RBFOX1: variants seen among roughly 807,000 people sequenced by gnomAD.
RBFOX1 encodes RNA binding protein fox-1 homolog 1.
A neutral mutation model predicts 57.7 loss-of-function variants in RBFOX1; 8 were observed. That is an observed-to-expected ratio of 0.14 (90% CI 0.08 to 0.25). The LOEUF (loss-of-function observed/expected upper bound fraction) is 0.25. Ranked by LOEUF, RBFOX1 falls within the 10% of genes least tolerant of loss-of-function variation. The pLI, the probability that RBFOX1 is intolerant of heterozygous loss-of-function variation, is 1.00. For missense variants in RBFOX1, 611 were observed against 548.5 expected, an observed-to-expected ratio of 1.11 and a Z score of -1.14; for synonymous variants, 326 against 222.4, an observed-to-expected ratio of 1.47 and a Z score of -4.15.
At chr16:7,616,969 C>A (rs9935836) in intron 10 of RBFOX1, among the ~76,000 whole-genome samples, 118,615 of 151,492 alleles carry the variant, frequency 0.78, 46,974 homozygotes, top group East Asian at 0.98. Flanking sequence ...TGCTAGAATC[C>A]ACCCTTCCCT....
At chr16:6,394,479 A>G (rs2092735757) in intron 2 of RBFOX1, among the ~76,000 whole-genome samples, 1 of 149,254 alleles carries the variant, frequency 6.7e-6, no homozygotes, top group African/African-American at 2.5e-5. Context: ...CCTTAAATTT[A>G]CCCCCCAGAA....
At chr16:5,371,461 A>G (rs2065854814) in intron 1 of RBFOX1, among the ~76,000 whole-genome samples, 1 of 152,066 alleles carries the variant, frequency 6.6e-6, no homozygotes, top group Non-Finnish European at 1.5e-5. Context: ...CAACGCTTTG[A>G]TCTTGGACTT....
chr16:7,230,274 A>T, intron 4 of RBFOX1, among the ~76,000 whole-genome samples: 1 of 152,116 alleles, frequency 6.6e-6, no homozygotes, highest in East Asian at 1.9e-4. Flanking sequence ...AACAAACAGA[A>T]AGTACCTGCC....
chr16:6,824,829 C>T (rs7189578), intron 3 of RBFOX1, among the ~76,000 whole-genome samples: 1 of 151,596 alleles, frequency 6.6e-6, no homozygotes, highest in Non-Finnish European at 1.5e-5. Context: ...AAAGATAATA[C>T]ATGTGGATTG....
At chr16:6,767,912 C>T (rs1185763088) in intron 3 of RBFOX1, among the ~76,000 whole-genome samples, 2 of 94,824 alleles carry the variant, frequency 2.1e-5, no homozygotes, top group African/African-American at 8.8e-5. Flanking sequence ...AGGACTCTAT[C>T]TCAATAATAA....
intron 2 of RBFOX1, among the ~76,000 whole-genome samples, chr16:6,317,540 C>T (rs780582707): frequency 1.8e-5 from 2 of 110,464 alleles, no homozygotes; most frequent in African/African-American, 2.8e-5. Flanking sequence ...CTGAAAATTA[C>T]TGCAAAAAAA....
intron 13 of RBFOX1, among the ~76,000 whole-genome samples, chr16:7,670,880 G>A (rs1217820807): frequency 5.9e-5 from 9 of 152,092 alleles, no homozygotes; most frequent in African/African-American, 4.8e-5. Context: ...ATCCTAGTCC[G>A]CACAAGGATT....
intron 4 of RBFOX1, among the ~76,000 whole-genome samples, chr16:7,501,058 C>G (rs1244887401): frequency 6.6e-6 from 1 of 152,322 alleles, no homozygotes; most frequent in Middle Eastern, 3.4e-3. Context: ...GCCTCTCCAG[C>G]CAGGCTGAAC....
intron 4 of RBFOX1, among the ~76,000 whole-genome samples, chr16:7,149,854 C>T (rs2075780458): frequency 6.6e-6 from 1 of 152,196 alleles, no homozygotes; most frequent in African/African-American, 2.4e-5. Context: ...CGGAGCACCT[C>T]TTCCTTAATG....
At chr16:7,550,293 G>C (rs577164948) in intron 5 of RBFOX1, among the ~76,000 whole-genome samples, 1 of 151,730 alleles carries the variant, frequency 6.6e-6, no homozygotes, top group Non-Finnish European at 1.5e-5. Context: ...CTTGAGTTCC[G>C]GAGAAGGGAA....
chr16:7,384,474 G>A (rs1420573616), intron 4 of RBFOX1, among the ~76,000 whole-genome samples: 2 of 152,126 alleles, frequency 1.3e-5, no homozygotes, highest in Non-Finnish European at 2.9e-5. Flanking sequence ...TTATTGCAGT[G>A]GGTTTTCATG....
chr16:6,491,563 A>G (rs975371148), intron 2 of RBFOX1, among the ~76,000 whole-genome samples: 1 of 152,216 alleles, frequency 6.6e-6, no homozygotes. Context: ...AGTATATAGA[A>G]TTGCACATCA....
chr16:6,886,595 A>T (rs1056293290), intron 3 of RBFOX1, among the ~76,000 whole-genome samples: 3 of 152,046 alleles, frequency 2.0e-5, no homozygotes, highest in Non-Finnish European at 2.9e-5. Context: ...TCTACTAAAA[A>T]TAGAAAAAAA....
intron 5 of RBFOX1, among the ~76,000 whole-genome samples, chr16:7,543,064 G>C (rs2083399098): frequency 6.6e-6 from 1 of 152,218 alleles, no homozygotes; most frequent in Non-Finnish European, 1.5e-5. Context: ...GTGGGGGAAA[G>C]AGGTTAGGTG....
intron 1 of RBFOX1, among the ~76,000 whole-genome samples, chr16:5,465,926 T>A (rs1217460196): frequency 2.0e-5 from 3 of 152,148 alleles, no homozygotes; most frequent in Non-Finnish European, 4.4e-5. Context: ...CTGTCCACGG[T>A]GCTGCGGTGG....
At chr16:5,964,098 C>T (rs2059801000) in intron 4 of RBFOX1, among the ~76,000 whole-genome samples, 1 of 152,058 alleles carries the variant, frequency 6.6e-6, no homozygotes, top group Admixed American at 6.6e-5. Context: ...ACATAAGACT[C>T]AAATAGATAT....
intron 3 of RBFOX1, among the ~76,000 whole-genome samples, chr16:6,982,338 C>T (rs949115052): frequency 2.6e-5 from 4 of 152,178 alleles, no homozygotes; most frequent in African/African-American, 7.2e-5. Context: ...CATTGTTGGC[C>T]AGCATGTCAT....
At chr16:6,914,993 C>T (rs2072751796) in intron 3 of RBFOX1, among the ~76,000 whole-genome samples, 1 of 152,196 alleles carries the variant, frequency 6.6e-6, no homozygotes, top group African/African-American at 2.4e-5. Flanking sequence ...GCACTATTGC[C>T]AGGCAGCAAG....
chr16:6,959,505 A>G (rs375100277), intron 3 of RBFOX1, among the ~76,000 whole-genome samples: 1 of 151,584 alleles, frequency 6.6e-6, no homozygotes, highest in African/African-American at 2.4e-5. Context: ...TTTATTTTTT[A>G]TTTTTTACCC....
Sources: allele counts gnomAD v4.1 joint callset (sites outside exome capture counted in the v4.1 genomes callset), GRCh38; gene constraint gnomAD v4.1.1; transcripts MANE v1.5; gene names NCBI Gene and HGNC (gene_info 2026-07-23, HGNC 2026-07-21).